The following ARHGAP10 variants were observed in gnomAD, a reference collection of about 807,000 sequenced individuals.
ARHGAP10 encodes rho GTPase-activating protein 10.
Under a neutral mutation model 108.6 loss-of-function variants are expected in ARHGAP10, and 87 were observed. The observed-to-expected ratio is 0.80, with a 90% CI of 0.67 to 0.96. ARHGAP10 has a LOEUF of 0.96. Among genes scored for constraint, ARHGAP10 ranks in the 40% least tolerant of loss-of-function variants. The probability of loss-of-function intolerance (pLI) is 0.00; values close to 1 mark genes in which losing one functional copy is unlikely to be tolerated. For synonymous variants in ARHGAP10, 347 were observed against 341.1 expected, an observed-to-expected ratio of 1.02 and a Z score of -0.19; for missense variants, 939 against 954.5, an observed-to-expected ratio of 0.98 and a Z score of 0.21.
intron 18 of ARHGAP10, among the ~76,000 whole-genome samples, chr4:147,981,942 C>T (rs915925409): frequency 6.6e-6 from 1 of 152,018 alleles, no homozygotes; most frequent in African/African-American, 2.4e-5. Flanking sequence ...TTACTTTGAG[C>T]CCAGGGGCGT....
intron 11 of ARHGAP10, among the ~76,000 whole-genome samples, chr4:147,909,094 G>A (rs998974593): frequency 3.9e-5 from 6 of 152,138 alleles, no homozygotes; most frequent in Non-Finnish European, 8.8e-5. Flanking sequence ...CTATAAATTG[G>A]GGGTTCCTGT....
chr4:148,069,930 G>C (rs1373036148), intron 22 of ARHGAP10, among the ~76,000 whole-genome samples: 2 of 152,210 alleles, frequency 1.3e-5, no homozygotes, highest in Non-Finnish European at 2.9e-5. Context: ...GATGAAGTGA[G>C]AAGTCTCTAA....
In ARHGAP10 at chr4:147,857,637, G is replaced by T; in HGVS notation, c.469G>T (p.Asp157Tyr). The T allele has an allele frequency of 6.7e-7, 1 of 1,488,892 alleles. No individual in the cohort carries two copies. The highest frequency in any genetic ancestry group is 1.4e-5 in the South Asian group (1 of 71,672). 92.2% of individuals were successfully genotyped at this position (1,488,892 alleles called of 1,614,324 possible). The change falls in exon 5 of 23, where the codon GAC (aspartate) becomes TAC (tyrosine). Residue 157 changes from aspartate (D) to tyrosine (Y), a missense_variant. Asp to Tyr is a radical substitution (Grantham distance 160). Coordinates refer to ENST00000336498, the MANE Select transcript of ARHGAP10 (RefSeq NM_024605.4). ...TTTGAATTTATCAGCAAAAAAGAAA[G>T]ACTCACATTTACAAGAGGTATAATT... Reference protein sequence around the residue: ...KHLNLSAKKKDSHLQEADIQV... With the variant: ...KHLNLSAKKKYSHLQEADIQV...
intron 1 of ARHGAP10, among the ~76,000 whole-genome samples, chr4:147,820,580 GTTTTTTTTTTTTTT>G (rs57534364): frequency 2.7e-4 from 13 of 49,044 alleles, no homozygotes; most frequent in Admixed American, 3.5e-4. Flanking sequence ...ACCTCGGCCA[GTTTTTTTTTTTTTT>G]TTTTTTTTTT....
At chr4:147,896,336 T>C (rs1461994300) in intron 10 of ARHGAP10, among the ~76,000 whole-genome samples, 1 of 152,214 alleles carries the variant, frequency 6.6e-6, no homozygotes, top group Non-Finnish European at 1.5e-5. Flanking sequence ...CCTAGAGTTT[T>C]CTTGGTGAGA....
intron 1 of ARHGAP10, among the ~76,000 whole-genome samples, chr4:147,795,079 G>GT (rs775960987): frequency 5.6e-4 from 86 of 152,224 alleles, no homozygotes; most frequent in Non-Finnish European, 8.4e-4. Flanking sequence ...GTCAAGGGTG[G>GT]CCTTTGTAGT....
intron 18 of ARHGAP10, among the ~76,000 whole-genome samples, chr4:148,006,170 C>G (rs960156892): frequency 6.6e-6 from 1 of 152,176 alleles, no homozygotes; most frequent in Non-Finnish European, 1.5e-5. Flanking sequence ...GTTAAAAGTT[C>G]AGCCACCCTG....
At chr4:147,920,342 G>A (rs1224537258) in intron 13 of ARHGAP10, among the ~76,000 whole-genome samples, 2 of 146,604 alleles carry the variant, frequency 1.4e-5, no homozygotes, top group South Asian at 2.1e-4. Context: ...GTGTGAACCC[G>A]GGAGGTGGAG....
At chr4:147,823,303 C>T (rs1732580455) in intron 3 of ARHGAP10, among the ~76,000 whole-genome samples, 1 of 152,096 alleles carries the variant, frequency 6.6e-6, no homozygotes, top group East Asian at 1.9e-4. Flanking sequence ...GGGATAAAAG[C>T]AGAAAAGCTT....
chr4:147,740,427 G>A (rs1329208223), intron 1 of ARHGAP10, among the ~76,000 whole-genome samples: 6 of 152,144 alleles, frequency 3.9e-5, no homozygotes, highest in African/African-American at 4.8e-5. Flanking sequence ...GGGTGTAACC[G>A]TGGTCTTCTG....
chr4:147,869,768 A>G (rs1377395968), intron 7 of ARHGAP10, among the ~76,000 whole-genome samples: 1 of 151,864 alleles, frequency 6.6e-6, no homozygotes, highest in Non-Finnish European at 1.5e-5. Flanking sequence ...CACCTGATCT[A>G]GGTGGCGTCT....
intron 13 of ARHGAP10, among the ~76,000 whole-genome samples, chr4:147,937,744 CGGA>C (rs1738011961): frequency 6.6e-6 from 1 of 152,130 alleles, no homozygotes; most frequent in Non-Finnish European, 1.5e-5. Flanking sequence ...CTTTGGGAGG[CGGA>C]GGCAGGCGGA....
chr4:147,921,524 G>C (rs1349056918), intron 13 of ARHGAP10, among the ~76,000 whole-genome samples: 1 of 152,140 alleles, frequency 6.6e-6, no homozygotes, highest in Non-Finnish European at 1.5e-5. Context: ...TGAAGGCTCT[G>C]GGTCATGGTG....
chr4:147,885,304 T>A (rs1367954325), intron 10 of ARHGAP10, among the ~76,000 whole-genome samples: 6 of 152,200 alleles, frequency 3.9e-5, no homozygotes, highest in Non-Finnish European at 5.9e-5. Context: ...CTCATAATCA[T>A]GGCAGAAGGT....
chr4:148,047,190 C>T, intron 20 of ARHGAP10, 139 bp downstream of exon 20: 1 of 1,030,316 alleles, frequency 9.7e-7, no homozygotes, highest in Non-Finnish European at 1.4e-6. Flanking sequence ...GAAGGGCCAC[C>T]AAAGGGAGAA....
chr4:147,835,011 G>A (rs900686204), intron 3 of ARHGAP10, among the ~76,000 whole-genome samples: 1 of 151,950 alleles, frequency 6.6e-6, no homozygotes, highest in Non-Finnish European at 1.5e-5. Flanking sequence ...GTCATTCATC[G>A]GTTGCTATTA....
At position 147,995,826 on chromosome 4, in the gene ARHGAP10, C is replaced by T. The variant is rs549596909; in HGVS notation, c.1717-27437C>T. The stretch of plus-strand genomic sequence containing the variant: ...TCGCCTCCTGGGTTCACGCCATTCT[C>T]CTGCCTCAGCCTCCCGAGTAGCTGG... On this transcript the variant is annotated intron_variant, in intron 18 of 22. Coordinates refer to ENST00000336498, the MANE Select transcript of ARHGAP10 (RefSeq NM_024605.4). Among the ~76,000 whole-genome samples the T allele has an allele frequency of 7.9e-3, 1,208 of 152,280 alleles. 5 individuals carry two copies. Among genetic ancestry groups the T allele is most frequent in the Non-Finnish European group, 0.014 (924 of 68,008 alleles).
chr4:147,816,106 G>T (rs942176104), intron 1 of ARHGAP10, among the ~76,000 whole-genome samples: 1 of 152,076 alleles, frequency 6.6e-6, no homozygotes, highest in Non-Finnish European at 1.5e-5. Flanking sequence ...AAATGAGTGG[G>T]CTAGGTGGTC....
At chr4:147,787,473 A>G (rs1261662360) in intron 1 of ARHGAP10, among the ~76,000 whole-genome samples, 1 of 152,104 alleles carries the variant, frequency 6.6e-6, no homozygotes, top group East Asian at 1.9e-4. Flanking sequence ...GAGGCTCGCA[A>G]ATGTGTTCTT....
Sources: allele counts gnomAD v4.1 joint callset (sites outside exome capture counted in the v4.1 genomes callset), GRCh38; gene constraint gnomAD v4.1.1; transcripts MANE v1.5; gene names NCBI Gene and HGNC (gene_info 2026-07-23, HGNC 2026-07-21).